The following GABRA2 variants were observed in gnomAD, a reference collection of about 807,000 sequenced individuals.
GABRA2 encodes the protein gamma-aminobutyric acid receptor subunit alpha-2.
In GABRA2, 16 loss-of-function variants were observed where a neutral mutation model predicts 48.7. That is an observed-to-expected ratio of 0.33 (90% confidence interval 0.22 to 0.50). GABRA2 has a LOEUF of 0.50. Ranked by LOEUF, GABRA2 falls within the 20% of genes least tolerant of loss-of-function variation. The pLI is 0.98. For missense variants in GABRA2, 275 were observed against 535.6 expected (o/e 0.51, Z 4.80); for synonymous variants, 185 against 184.5 (o/e 1.00, Z -0.02).
At chr4:46,284,041 G>A (rs556527047) in intron 8 of GABRA2, among the ~76,000 whole-genome samples, 79 of 147,716 alleles carry the variant, frequency 5.3e-4, no homozygotes, top group South Asian at 1.5e-3. Flanking sequence ...CTACAGGCAT[G>A]AGCCACCAAG....
chr4:46,326,689 C>A (rs539344780), intron 4 of GABRA2, among the ~76,000 whole-genome samples: 1 of 151,788 alleles, frequency 6.6e-6, no homozygotes, highest in Admixed American at 6.6e-5. Flanking sequence ...AATCTCTTTC[C>A]TTGTAAGATT....
At chr4:46,350,289 TACTAC>T (rs1734903253) in intron 3 of GABRA2, among the ~76,000 whole-genome samples, 1 of 151,918 alleles carries the variant, frequency 6.6e-6, no homozygotes, top group Non-Finnish European at 1.5e-5. Context: ...CATGTATATG[TACTAC>T]ACAGTCTTCA....
intron 3 of GABRA2, among the ~76,000 whole-genome samples, chr4:46,349,193 T>G (rs1404902959): frequency 6.6e-6 from 1 of 151,982 alleles, no homozygotes; most frequent in South Asian, 2.1e-4. Flanking sequence ...AAGCGAAAAT[T>G]TATGTGACTC....
chr4:46,370,873 T>C (rs1673378625), intron 3 of GABRA2, among the ~76,000 whole-genome samples: 1 of 151,844 alleles, frequency 6.6e-6, no homozygotes, highest in South Asian at 2.1e-4. Flanking sequence ...TATTTTCTAC[T>C]CTATTTGCCT....
intron 8 of GABRA2, among the ~76,000 whole-genome samples, chr4:46,290,036 A>G (rs1366283690): frequency 1.3e-5 from 2 of 148,606 alleles, no homozygotes; most frequent in African/African-American, 4.9e-5. Flanking sequence ...CTCAGCCTCC[A>G]GAGTAGCTGG....
intron 6 of GABRA2, among the ~76,000 whole-genome samples, chr4:46,307,485 T>A (rs1726901516): frequency 1.3e-5 from 2 of 151,944 alleles, no homozygotes; most frequent in African/African-American, 2.4e-5. Context: ...TGAATTATAA[T>A]GTTTCTTTTA....
At chr4:46,254,404 C>T (rs896437407) in intron 9 of GABRA2, among the ~76,000 whole-genome samples, 2 of 151,400 alleles carry the variant, frequency 1.3e-5, no homozygotes, top group African/African-American at 2.4e-5. Context: ...TTTTTTAACG[C>T]TTATGTTCCT....
At chr4:46,254,771 T>C (rs1473780048) in intron 9 of GABRA2, among the ~76,000 whole-genome samples, 1 of 151,538 alleles carries the variant, frequency 6.6e-6, no homozygotes, top group Non-Finnish European at 1.5e-5. Context: ...TAAATTTCAC[T>C]AGACTTCTCT....
intron 8 of GABRA2, among the ~76,000 whole-genome samples, chr4:46,262,352 G>A (rs1433359671): frequency 1.3e-5 from 2 of 152,006 alleles, no homozygotes; most frequent in East Asian, 1.9e-4. Context: ...AATACTTTCG[G>A]TTTCCATTTT....
chr4:46,345,573 G>A (rs1195327352), intron 3 of GABRA2, among the ~76,000 whole-genome samples: 2 of 151,770 alleles, frequency 1.3e-5, no homozygotes, highest in Admixed American at 1.3e-4. Flanking sequence ...CATGTTCCAC[G>A]TCACTCCCCA....
At chr4:46,353,362 A>T (rs1284038165) in intron 3 of GABRA2, among the ~76,000 whole-genome samples, 1 of 152,080 alleles carries the variant, frequency 6.6e-6, no homozygotes, top group African/African-American at 2.4e-5. Flanking sequence ...CCTTGCCCAG[A>T]CAGTCTACTC....
chr4:46,354,790 G>A (rs1301382235), intron 3 of GABRA2, among the ~76,000 whole-genome samples: 2 of 152,134 alleles, frequency 1.3e-5, no homozygotes, highest in Non-Finnish European at 2.9e-5. Flanking sequence ...CCAGCTTCAT[G>A]AAGCAAGGAA....
At chr4:46,363,207 G>A (rs1713494014) in intron 3 of GABRA2, among the ~76,000 whole-genome samples, 1 of 152,206 alleles carries the variant, frequency 6.6e-6, no homozygotes, top group Non-Finnish European at 1.5e-5. Flanking sequence ...TAGGGAATAA[G>A]TGAATGATGT....
intron 3 of GABRA2, among the ~76,000 whole-genome samples, chr4:46,340,923 C>CT (rs1035168380): frequency 4.0e-5 from 6 of 151,628 alleles, no homozygotes; most frequent in African/African-American, 4.8e-5. Context: ...GTTTCTTCTT[C>CT]TTTTTTTTCT....
intron 3 of GABRA2, among the ~76,000 whole-genome samples, chr4:46,379,287 C>G (rs2109348402): frequency 6.6e-6 from 1 of 152,202 alleles, no homozygotes; most frequent in East Asian, 1.9e-4. Flanking sequence ...AGTGGGATAG[C>G]CCCCAGGCAA....
At chr4:46,267,140 C>T (rs1362161944) in intron 8 of GABRA2, among the ~76,000 whole-genome samples, 1 of 152,014 alleles carries the variant, frequency 6.6e-6, no homozygotes, top group Non-Finnish European at 1.5e-5. Flanking sequence ...TAATTTTCCT[C>T]ATTGTTTTTT....
In GABRA2 at chr4:46,386,088, C is replaced by G. The variant is rs765251624; in HGVS notation, c.173G>C (p.Arg58Thr). The G allele has an allele frequency of 6.2e-7, 1 of 1,607,880 alleles. No homozygotes were observed. Among genetic ancestry groups the G allele is most frequent in the Non-Finnish European group, 8.5e-7 (1 of 1,175,360 alleles). ...ACTATTTTTACCTCCCAGTCCTGGTCTAAGCCGATTATCGTAACCATCCAG... is the reference window on the plus strand; with the variant it reads ...ACTATTTTTACCTCCCAGTCCTGGTGTAAGCCGATTATCGTAACCATCCAG... Reference protein sequence around the residue: ...RLLDGYDNRLRPGLGDSITEV... With the variant: ...RLLDGYDNRLTPGLGDSITEV... Residue 58 changes from arginine to threonine, a missense_variant, in exon 3 of 10, where the codon AGA becomes ACA. By Grantham distance (71) the Arg-to-Thr change is moderately conservative (BLOSUM62 -1). Coordinates refer to ENST00000381620, the MANE Select transcript of GABRA2 (RefSeq NM_000807.4).
At chr4:46,271,133 G>A (rs1357900665) in intron 8 of GABRA2, among the ~76,000 whole-genome samples, 1 of 151,922 alleles carries the variant, frequency 6.6e-6, no homozygotes, top group African/African-American at 2.4e-5. Flanking sequence ...AGTTAAGAAG[G>A]AGAAGTCTCA....
chr4:46,260,540 G>A (rs942851007), intron 9 of GABRA2, among the ~76,000 whole-genome samples: 1 of 151,722 alleles, frequency 6.6e-6, no homozygotes, highest in East Asian at 1.9e-4. Context: ...TTATATACGG[G>A]AATTCATGGC....
Sources: gnomAD v4.1 joint callset for allele counts (sites outside exome capture counted in the v4.1 genomes callset) on GRCh38, gnomAD v4.1.1 for gene constraint, MANE v1.5 for transcripts, NCBI Gene and HGNC (gene_info 2026-07-23, HGNC 2026-07-21) for gene names.